Variants in RNF212 observed in about 807,000 individuals in gnomAD.
RNF212 encodes the protein ring finger protein 212.
RNF212 carries 33 observed loss-of-function variants against 34.7 expected under a neutral mutation model. The ratio of observed to expected loss-of-function variants is 0.95; its 90% CI spans 0.72 to 1.27. The LOEUF (loss-of-function observed/expected upper bound fraction) is 1.27. RNF212 is among the 50% of genes most tolerant of loss of function. The pLI is 0.00. For synonymous variants in RNF212, 140 were observed against 136.1 expected (o/e 1.03, Z -0.20); for missense variants, 377 against 362.2 (o/e 1.04, Z -0.33).
At chr4:1,070,112 G>A (rs944868455), downstream of RNF212, among the ~76,000 whole-genome samples, 11 of 151,726 alleles carry the variant, frequency 7.2e-5, no homozygotes, top group South Asian at 4.2e-4. Context: ...CTGTGTCAGC[G>A]TGGACGCCTG....
intron 1 of RNF212, among the ~76,000 whole-genome samples, chr4:1,111,036 A>G (rs971174895): frequency 2.6e-5 from 4 of 152,132 alleles, no homozygotes; most frequent in Non-Finnish European, 4.4e-5. Context: ...ACTTCCCAGC[A>G]CCACGAAGGC....
chr4:1,094,259 G>T (rs994865463), intron 3 of RNF212, among the ~76,000 whole-genome samples: 39 of 152,288 alleles, frequency 2.6e-4, no homozygotes, highest in African/African-American at 8.9e-4. Flanking sequence ...GTGCAGGGCG[G>T]GGGCCAGGGG....
At chr4:1,062,144 G>A (rs1339214416) in intron 3 of RNF212, among the ~76,000 whole-genome samples, 1 of 152,220 alleles carries the variant, frequency 6.6e-6, no homozygotes, top group Admixed American at 6.5e-5. Context: ...GACAGAATGA[G>A]GTCCTGACAC....
chr4:1,057,486 G>C (rs369246369), intron 4 of RNF212, among the ~76,000 whole-genome samples: 6 of 152,140 alleles, frequency 3.9e-5, no homozygotes, highest in African/African-American at 1.4e-4. Context: ...GGTCTGTTCC[G>C]GGGCTGGGGC....
intron 7 of RNF212, 91 bp downstream of exon 7, chr4:1,081,328 G>A: frequency 9.2e-7 from 1 of 1,089,746 alleles, no homozygotes; most frequent in Non-Finnish European, 1.4e-6. Flanking sequence ...AAATCTGGGG[G>A]CTTGGAGAGG....
intron 1 of RNF212, among the ~76,000 whole-genome samples, chr4:1,109,702 C>A (rs1024386121): frequency 3.9e-5 from 6 of 152,078 alleles, no homozygotes; most frequent in Non-Finnish European, 5.9e-5. Flanking sequence ...TGGCTCATGA[C>A]CTACCTCAAT....
chr4:1,100,236 C>T (rs187578126), intron 2 of RNF212: 82 of 279,096 alleles, frequency 2.9e-4, no homozygotes, highest in Middle Eastern at 2.6e-3. Context: ...GTTTTGTGTT[C>T]CTGTCAAACA....
intron 3 of RNF212, among the ~76,000 whole-genome samples, chr4:1,059,105 C>T (rs528377653): frequency 6.6e-6 from 1 of 152,354 alleles, no homozygotes; most frequent in East Asian, 1.9e-4. Flanking sequence ...TAGGCTTCCC[C>T]AGCGCAGTGA....
At chr4:1,073,779 C>T (rs371347045) in intron 8 of RNF212, 117 bp from the exon 9 acceptor site, 24 of 711,212 alleles carry the variant, frequency 3.4e-5, no homozygotes, top group African/African-American at 1.9e-4. Context: ...TCATCTTTAT[C>T]GCCCTCTGAC....
intron 4 of RNF212, among the ~76,000 whole-genome samples, chr4:1,088,701 G>A (rs891792414): frequency 4.6e-5 from 7 of 152,208 alleles, no homozygotes; most frequent in Non-Finnish European, 7.3e-5. Flanking sequence ...TTTATGGGCC[G>A]GGCCAAGGCC....
chr4:1,089,367 T>C (rs529980591), intron 4 of RNF212, among the ~76,000 whole-genome samples: 14 of 152,354 alleles, frequency 9.2e-5, no homozygotes, highest in Admixed American at 7.2e-4. Context: ...TTGGTCAATT[T>C]CTCCCATTTG....
intron 1 of RNF212, among the ~76,000 whole-genome samples, chr4:1,111,315 G>A (rs191698640): frequency 5.2e-4 from 79 of 152,170 alleles, no homozygotes; most frequent in East Asian, 3.1e-3. Context: ...TTATTATCCC[G>A]TATTAATCGC....
intron 3 of RNF212, among the ~76,000 whole-genome samples, chr4:1,060,088 A>G (rs2153032091): frequency 8.9e-6 from 1 of 111,992 alleles, no homozygotes; most frequent in African/African-American, 3.7e-5. Context: ...AACAAGAGCG[A>G]AACTCCATCA....
Position 1,072,546 on chromosome 4 carries a change from T to C in RNF212, c.*328A>G, listed in dbSNP as rs1187484261. 8.6e-6 allele frequency: 4 copies of C among 466,762 alleles called. No homozygotes were observed. The highest frequency in any genetic ancestry group is 1.2e-5 in the Non-Finnish European group (4 of 334,194). 28.9% of individuals were successfully genotyped at this position (466,762 alleles called of 1,614,324 possible). A position where few individuals can be genotyped will look rare whatever the true frequency, so the allele number is the denominator to read the frequency against. On this transcript the variant is annotated 3_prime_UTR_variant, in exon 10 of 10. Coordinates refer to ENST00000433731, the MANE Select transcript of RNF212 (RefSeq NM_001131034.4). ...ATCTGTACCTTCCTTTCAATTTTTC[T>C]GTGAACCTAAAACTGCTCTAAGAAA...
At chr4:1,063,476 C>A (rs954784463) in intron 3 of RNF212, among the ~76,000 whole-genome samples, 3 of 152,016 alleles carry the variant, frequency 2.0e-5, no homozygotes, top group African/African-American at 7.2e-5. Flanking sequence ...TTTGGGAGGC[C>A]GAGGTGGGCA....
intron 1 of RNF212, among the ~76,000 whole-genome samples, chr4:1,112,564 G>A (rs1314343405): frequency 1.3e-5 from 2 of 151,928 alleles, no homozygotes; most frequent in African/African-American, 2.4e-5. Flanking sequence ...ATGGAATAGG[G>A]CCAGAGTCCT....
intron 9 of RNF212, 135 bp downstream of exon 9, chr4:1,073,464 A>G: frequency 1.3e-6 from 1 of 745,300 alleles, no homozygotes; most frequent in Non-Finnish European, 2.3e-6. Flanking sequence ...GTGAATATGT[A>G]GCCTCCCATG....
intron 1 of RNF212, among the ~76,000 whole-genome samples, 192 bp from the exon 2 acceptor site, chr4:1,108,596 C>T (rs1725179613): frequency 1.3e-5 from 2 of 152,196 alleles, no homozygotes; most frequent in Admixed American, 6.5e-5. Context: ...TTCTTTTCCC[C>T]TCTTTTGCAA....
In RNF212 at chr4:1,090,769, C is replaced by G. The variant is rs759858888; in HGVS notation, c.303+13G>C. The G allele has an allele frequency of 2.3e-5, 34 of 1,476,802 alleles. No homozygotes were observed. The highest frequency in any genetic ancestry group is 3.1e-5 in the Non-Finnish European group (33 of 1,059,482). 91.5% of individuals were successfully genotyped at this position (1,476,802 alleles called of 1,614,324 possible). Reference sequence around the variant, plus strand: ...CAAAAAAATTCAAGTGGCAATGAATCAATTCCACTTACCTTTTCTCTATAG... The same window carrying G: ...CAAAAAAATTCAAGTGGCAATGAATGAATTCCACTTACCTTTTCTCTATAG... On this transcript the variant is annotated intron_variant, in intron 4 of 9. Transcript: ENST00000433731.
Sources: gnomAD v4.1 joint callset for allele counts (sites outside exome capture counted in the v4.1 genomes callset) on GRCh38, gnomAD v4.1.1 for gene constraint, MANE v1.5 for transcripts, NCBI Gene and HGNC (gene_info 2026-07-23, HGNC 2026-07-21) for gene names.